Variants in ANGPTL2 observed in about 807,000 individuals in gnomAD.
The protein encoded by ANGPTL2 is angiopoietin-related protein 2.
A neutral mutation model predicts 52.8 loss-of-function variants in ANGPTL2; 25 were observed. The observed-to-expected ratio is 0.47, with a 90% CI of 0.35 to 0.66. The LOEUF (loss-of-function observed/expected upper bound fraction) is 0.66. Ranked by LOEUF, ANGPTL2 falls within the 30% of genes least tolerant of loss-of-function variation. The probability of loss-of-function intolerance (pLI) is 0.01; values close to 1 mark genes in which losing one functional copy is unlikely to be tolerated. For synonymous variants in ANGPTL2, 276 were observed against 277.4 expected (o/e 1.00, Z 0.05); for missense variants, 546 against 656.9 (o/e 0.83, Z 1.84).
At chr9:127,106,658 G>A (rs2065350067) in intron 2 of ANGPTL2, among the ~76,000 whole-genome samples, 1 of 152,152 alleles carries the variant, frequency 6.6e-6, no homozygotes, top group African/African-American at 2.4e-5. Flanking sequence ...CTGCACCCAG[G>A]CCAGGTCTTT....
rs1249212067 is a variant in ANGPTL2 at position 127,091,686 on chromosome 9, A to G, written c.1266T>C (p.Asp422=). 1.2e-6 allele frequency: 2 copies of G among 1,613,550 alleles called. No individual in the cohort carries two copies. Among genetic ancestry groups the G allele is most frequent in the African/African-American group, 1.3e-5 (1 of 74,814 alleles). ...TTTTCCTACCTGTGTAGACATCATG[A>G]TCTCTGTCCAGGGTGGTGAACTGCT... ...NGKQFTTLDR[D]HDVYTGNCAH... The change falls in exon 4 of 5, where the codon GAT becomes GAC. Residue 422 remains aspartate (D), a synonymous_variant. Coordinates refer to ENST00000373425, the MANE Select transcript of ANGPTL2 (RefSeq NM_012098.3). The surrounding 1 kb of genome is among the most constrained non-coding windows in gnomAD (Gnocchi z 4.3).
intron 1 of ANGPTL2, among the ~76,000 whole-genome samples, chr9:127,111,845 C>G (rs2054846126): frequency 6.6e-6 from 1 of 152,214 alleles, no homozygotes; most frequent in African/African-American, 2.4e-5. Context: ...GGATTGGAAC[C>G]TGCTAACTCT....
At chr9:127,120,481 G>C (rs907361787) in intron 1 of ANGPTL2, among the ~76,000 whole-genome samples, 1 of 152,188 alleles carries the variant, frequency 6.6e-6, no homozygotes, top group African/African-American at 2.4e-5. Context: ...TCTCTGTCTC[G>C]TGGGATTTTC....
Position 127,088,752 on chromosome 9 carries a change from AG to A in ANGPTL2, c.*186del, listed in dbSNP as rs1325106426. The A allele has an allele frequency of 4.6e-6, 3 of 657,006 alleles. No homozygotes were observed. In the African/African-American group the frequency reaches 5.5e-5, roughly 12 times the overall value. 40.7% of individuals were successfully genotyped at this position (657,006 alleles called of 1,614,324 possible). On this transcript the variant is annotated 3_prime_UTR_variant, in exon 5 of 5. Coordinates refer to ENST00000373425, the MANE Select transcript of ANGPTL2 (RefSeq NM_012098.3). ...GCTGTCTGGTGTGAAGGAAAGTAGGAGGGACAGAAAACACCGTATCGATTCA... is the reference window on the plus strand; with the variant it reads ...GCTGTCTGGTGTGAAGGAAAGTAGGAGGACAGAAAACACCGTATCGATTCA...
chr9:127,112,395 A>G (rs1440957764), intron 1 of ANGPTL2, among the ~76,000 whole-genome samples: 1 of 152,212 alleles, frequency 6.6e-6, no homozygotes, highest in African/African-American at 2.4e-5. Flanking sequence ...CAGGCTGCTC[A>G]CCTGAGGCAG....
chr9:127,115,826 G>A (rs1049440602), intron 1 of ANGPTL2, among the ~76,000 whole-genome samples: 1 of 152,254 alleles, frequency 6.6e-6, no homozygotes, highest in African/African-American at 2.4e-5. Context: ...TCTGGGATGA[G>A]CAGTGACACC....
At chr9:127,114,991 G>C (rs1022180244) in intron 1 of ANGPTL2, among the ~76,000 whole-genome samples, 1 of 152,232 alleles carries the variant, frequency 6.6e-6, no homozygotes, top group Non-Finnish European at 1.5e-5. Context: ...GGTAATCCAA[G>C]ATGTGGGAGG....
rs773496191 is a variant in ANGPTL2 at position 127,108,711 on chromosome 9, T to C, written c.21A>G (p.Thr7=). The C allele has an allele frequency of 1.9e-6, 3 of 1,609,246 alleles. No individual in the cohort carries two copies. Among genetic ancestry groups the C allele is most frequent in the Non-Finnish European group, 2.5e-6 (3 of 1,176,628 alleles). The part of the protein sequence containing the change: MRPLCV[T]CWWLGLLAAM... Reference sequence around the variant, plus strand: ...CAGCCAGCAGTCCGAGCCACCAGCATGTCACGCACAGTGGCCTCATGGTCC... The same window carrying C: ...CAGCCAGCAGTCCGAGCCACCAGCACGTCACGCACAGTGGCCTCATGGTCC... Residue 7 remains threonine (T), a synonymous_variant, in exon 2 of 5, where the codon ACA becomes ACG. Transcript: ENST00000373425.
At chr9:127,113,097 T>C (rs1042672252) in intron 1 of ANGPTL2, among the ~76,000 whole-genome samples, 1 of 152,208 alleles carries the variant, frequency 6.6e-6, no homozygotes, top group Non-Finnish European at 1.5e-5. Context: ...CAGAACTGAT[T>C]GGGTTACAGG....
At position 127,091,023 on chromosome 9, in the gene ANGPTL2, G is replaced by T. The variant is rs1029198011; in HGVS notation, c.1282+647C>A. 2.0e-5 allele frequency among the ~76,000 whole-genome samples: 3 copies of T among 152,200 alleles called. No individual in the cohort carries two copies. Among genetic ancestry groups the T allele is most frequent in the African/African-American group, 7.2e-5 (3 of 41,452 alleles). On this transcript the variant is annotated intron_variant, in intron 4 of 4. Coordinates refer to ENST00000373425, the MANE Select transcript of ANGPTL2 (RefSeq NM_012098.3). The surrounding 1 kb of genome is among the most constrained non-coding windows in gnomAD (Gnocchi z 4.3). ...ACAAATCACTTTCTCTCTCCTATCT[G>T]CTTTCCTCTTAATAGCTTCCTCTCA...
chr9:127,118,296 T>C (rs1313909591), intron 1 of ANGPTL2, among the ~76,000 whole-genome samples: 2 of 152,226 alleles, frequency 1.3e-5, no homozygotes, highest in African/African-American at 2.4e-5. Context: ...TCACAGTCCA[T>C]GTGAAAGAAC....
chr9:127,110,784 C>T (rs544913775), intron 1 of ANGPTL2, among the ~76,000 whole-genome samples: 4 of 152,278 alleles, frequency 2.6e-5, no homozygotes, highest in South Asian at 2.1e-4. Context: ...CGCCAAATTA[C>T]GATGCCAGAA....
chr9:127,089,849 AG>A (rs148801462), intron 4 of ANGPTL2, among the ~76,000 whole-genome samples: 1 of 152,218 alleles, frequency 6.6e-6, no homozygotes, highest in Non-Finnish European at 1.5e-5. Flanking sequence ...GCAGGAGGAC[AG>A]GGGGCCACTA....
Position 127,093,809 on chromosome 9 carries a change from T to C in ANGPTL2, c.935A>G (p.Asp312Gly). 1 of 1,613,644 alleles carries C rather than the reference T, an allele frequency of 6.2e-7. No individual in the cohort carries two copies. Among genetic ancestry groups the C allele is most frequent in the Non-Finnish European group, 8.5e-7 (1 of 1,179,914 alleles). Residue 312 changes from aspartate to glycine, a missense_variant, in exon 3 of 5, where the codon GAC becomes GGC. Around this residue, in one of 2 missense-constraint regions of ANGPTL2, gnomAD observed 261 missense variants for 361.0 expected, o/e 0.72. Coordinates refer to ENST00000373425, the MANE Select transcript of ANGPTL2 (RefSeq NM_012098.3). ...CTGGATGACGGTCCAGCCCCCGGGG[T>C]CGTGTCTCTGGTCGCACCACACCTG... Reference protein sequence around the residue: ...LMQVWCDQRHDPGGWTVIQRR... With the variant: ...LMQVWCDQRHGPGGWTVIQRR...
intron 1 of ANGPTL2, among the ~76,000 whole-genome samples, chr9:127,118,121 C>G (rs1255200493): frequency 1.3e-5 from 2 of 152,200 alleles, no homozygotes; most frequent in Non-Finnish European, 2.9e-5. Flanking sequence ...GTGGCGCGAT[C>G]TCAGCTCACT....
chr9:127,113,123 C>T (rs2055017840), intron 1 of ANGPTL2, among the ~76,000 whole-genome samples: 1 of 152,188 alleles, frequency 6.6e-6, no homozygotes, highest in East Asian at 1.9e-4. Context: ...AGGGAAGGAA[C>T]AGGGCACTGT....
At chr9:127,114,393 A>C (rs570394263) in intron 1 of ANGPTL2, among the ~76,000 whole-genome samples, 1 of 152,330 alleles carries the variant, frequency 6.6e-6, no homozygotes, top group South Asian at 2.1e-4. Context: ...ACAGATCCCA[A>C]AATAACCCCC....
At position 127,087,396 on chromosome 9, in the gene ANGPTL2, TG is replaced by T. The variant is rs2051883231; in HGVS notation, c.*1542del. The T allele has an allele frequency of 6.6e-6, 1 of 152,566 alleles. No individual in the cohort carries two copies. The highest frequency in any genetic ancestry group is 6.5e-5 in the Admixed American group (1 of 15,286). 9.5% of individuals were successfully genotyped at this position (152,566 alleles called of 1,614,324 possible). ...GATTCGTGTCATTACAAGGATAATC[TG>T]GGAATATATTTTTAAAAAAACCCTC... On this transcript the variant is annotated 3_prime_UTR_variant, in exon 5 of 5. Coordinates refer to ENST00000373425, the MANE Select transcript of ANGPTL2 (RefSeq NM_012098.3).
In ANGPTL2 at chr9:127,088,009, G is replaced by A. The variant is rs1427729154; in HGVS notation, c.*930C>T. 1 of 152,618 alleles carries A rather than the reference G, an allele frequency of 6.6e-6. No individual in the cohort carries two copies. Among genetic ancestry groups the A allele is most frequent in the Non-Finnish European group, 1.5e-5 (1 of 68,040 alleles). The allele number at this position is 152,618 out of a possible 1,614,324, so 9.5% of individuals were successfully genotyped here. ...GCCTTCCCTTCCCAACCAGAAACCTGGAGCCCGGAGTGTTTCCTACTCAGA... is the reference window on the plus strand; with the variant it reads ...GCCTTCCCTTCCCAACCAGAAACCTAGAGCCCGGAGTGTTTCCTACTCAGA... On this transcript the variant is annotated 3_prime_UTR_variant, in exon 5 of 5. Transcript: ENST00000373425.
Sources: gnomAD v4.1 joint callset for allele counts (sites outside exome capture counted in the v4.1 genomes callset) on GRCh38, gnomAD v4.1.1 for gene constraint, gnomAD v4.1.1 regional missense constraint, Gnocchi (gnomAD v3.1) non-coding constraint, MANE v1.5 for transcripts, NCBI Gene and HGNC (gene_info 2026-07-23, HGNC 2026-07-21) for gene names.